Variants in HMBOX1 observed in about 807,000 individuals in gnomAD.
The protein encoded by HMBOX1 is homeobox-containing protein 1.
In HMBOX1, 14 loss-of-function variants were observed where a neutral mutation model predicts 54.5. The observed-to-expected ratio is 0.26, with a 90% CI of 0.17 to 0.40. The LOEUF is 0.40. Ranked by LOEUF, HMBOX1 falls within the 10% of genes least tolerant of loss-of-function variation. The probability of loss-of-function intolerance (pLI) is 1.00; values close to 1 mark genes in which losing one functional copy is unlikely to be tolerated. For missense variants in HMBOX1, 332 were observed against 514.4 expected (o/e 0.65, Z 3.43); for synonymous variants, 160 against 181.0 (o/e 0.88, Z 0.93).
At chr8:29,023,375 A>G (rs1467121824) in intron 6 of HMBOX1, among the ~76,000 whole-genome samples, 1 of 152,040 alleles carries the variant, frequency 6.6e-6, no homozygotes, top group Non-Finnish European at 1.5e-5. Context: ...TGCAACCATA[A>G]CCTCAGTCAA....
At chr8:29,049,213 TGTG>T in intron 9 of HMBOX1, 165 bp downstream of exon 9, 1 of 1,502,188 alleles carries the variant, frequency 6.7e-7, no homozygotes, top group Non-Finnish European at 8.9e-7. Context: ...TTGAAAGGAA[TGTG>T]GTAAGATTCA....
intron 1 of HMBOX1, among the ~76,000 whole-genome samples, chr8:28,939,359 G>A (rs1046413272): frequency 1.3e-5 from 2 of 151,328 alleles, no homozygotes; most frequent in African/African-American, 4.8e-5. Flanking sequence ...TAATTCAGCA[G>A]CTTTTGAATG....
chr8:28,904,271 C>G, intron 1 of HMBOX1, among the ~76,000 whole-genome samples: 1 of 137,120 alleles, frequency 7.3e-6, no homozygotes, highest in South Asian at 2.3e-4. Flanking sequence ...TTTTTTGAGA[C>G]GGAGTCTTGC....
intron 1 of HMBOX1, among the ~76,000 whole-genome samples, chr8:28,902,650 G>C (rs1348959047): frequency 3.9e-5 from 6 of 152,132 alleles, no homozygotes. Flanking sequence ...TAGTGCCTCA[G>C]GGCTCCAAAG....
At chr8:28,941,163 A>G (rs927913536) in intron 1 of HMBOX1, among the ~76,000 whole-genome samples, 2 of 152,200 alleles carry the variant, frequency 1.3e-5, no homozygotes, top group African/African-American at 2.4e-5. Flanking sequence ...TTTCAGCACA[A>G]ACTATCTTTT....
At chr8:29,038,755 C>G (rs1804335832) in intron 6 of HMBOX1, among the ~76,000 whole-genome samples, 1 of 152,198 alleles carries the variant, frequency 6.6e-6, no homozygotes, top group South Asian at 2.1e-4. Flanking sequence ...TAACTGGCTT[C>G]TGCCTCTAAT....
chr8:28,927,524 T>G (rs780437256), intron 1 of HMBOX1, among the ~76,000 whole-genome samples: 12 of 151,010 alleles, frequency 7.9e-5, no homozygotes, highest in Admixed American at 2.0e-4. Flanking sequence ...GGCAAGGTAG[T>G]AGGAGGAGGA....
At chr8:28,939,547 G>A (rs1357039945) in intron 1 of HMBOX1, among the ~76,000 whole-genome samples, 11 of 151,760 alleles carry the variant, frequency 7.2e-5, no homozygotes, top group South Asian at 4.2e-4. Context: ...TGCTCTTGTC[G>A]CCCAGACTGG....
In HMBOX1 at chr8:28,978,156, CCTCT is replaced by C. The variant is rs1262798673; in HGVS notation, c.501-1912_501-1909del. 3.3e-5 allele frequency among the ~76,000 whole-genome samples: 5 copies of C among 152,286 alleles called. No homozygotes were observed. In the East Asian group the frequency reaches 9.7e-4, roughly 29 times the overall value. ...ACAGATTGGAAACTCACCACTATGA[CCTCT>C]CTGTTTTTTTCCAGAATTCCCCAAA... On this transcript the variant is annotated intron_variant, in intron 3 of 9. Coordinates refer to ENST00000287701, the MANE Select transcript of HMBOX1 (RefSeq NM_001135726.3).
At position 29,009,069 on chromosome 8, in the gene HMBOX1, T is replaced by C. The variant is rs1222001842; in HGVS notation, c.587-3T>C. 1 of 1,607,586 alleles carries C rather than the reference T, an allele frequency of 6.2e-7. No homozygotes were observed. Among genetic ancestry groups the C allele is most frequent in the Non-Finnish European group, 8.5e-7 (1 of 1,174,798 alleles). On this transcript the variant is annotated splice_region_variant and splice_polypyrimidine_tract_variant and intron_variant, in intron 4 of 9. Transcript: ENST00000287701. The stretch of plus-strand genomic sequence containing the variant: ...CCCAAAACCTATTTCTCTTTCTACA[T>C]AGGTATCAGTCAGAGCCGGATCTCT...
At chr8:28,894,288 C>T (rs1012552914) in intron 1 of HMBOX1, among the ~76,000 whole-genome samples, 2 of 152,016 alleles carry the variant, frequency 1.3e-5, no homozygotes, top group African/African-American at 2.4e-5. Context: ...ACATAAAATA[C>T]TTTTATGTTT....
intron 1 of HMBOX1, among the ~76,000 whole-genome samples, chr8:28,897,708 A>C (rs1004586042): frequency 2.6e-4 from 40 of 152,196 alleles, no homozygotes; most frequent in Middle Eastern, 3.2e-3. Context: ...TTAAATTTTA[A>C]ATAAATTCAA....
At chr8:29,006,711 T>C (rs1255774196) in intron 4 of HMBOX1, among the ~76,000 whole-genome samples, 1 of 152,194 alleles carries the variant, frequency 6.6e-6, no homozygotes, top group Non-Finnish European at 1.5e-5. Flanking sequence ...TAATGTCCGT[T>C]TGATGAGATT....
At chr8:28,960,780 T>TGGAGACG (rs1825412212) in intron 1 of HMBOX1, among the ~76,000 whole-genome samples, 1 of 43,386 alleles carries the variant, frequency 2.3e-5, no homozygotes. Flanking sequence ...TTTTTTTTTT[T>TGGAGACG]TTTTTTTTTT....
intron 1 of HMBOX1, among the ~76,000 whole-genome samples, chr8:28,896,844 G>C (rs1812209409): frequency 2.0e-5 from 3 of 152,042 alleles, no homozygotes; most frequent in African/African-American, 7.2e-5. Context: ...ATTAAGTGTT[G>C]CATTGGCACA....
chr8:28,978,945 A>C (rs890368958), intron 3 of HMBOX1, among the ~76,000 whole-genome samples: 4 of 152,170 alleles, frequency 2.6e-5, no homozygotes, highest in African/African-American at 4.8e-5. Flanking sequence ...ATGAAATTGC[A>C]GGGGGAGGGA....
chr8:28,917,066 C>CA (rs35179018), intron 1 of HMBOX1, among the ~76,000 whole-genome samples: 15,420 of 70,624 alleles, frequency 0.22, 1,021 homozygotes, highest in South Asian at 0.37. Flanking sequence ...GACCCTGTCT[C>CA]AAAAAAAAAA....
At chr8:29,005,417 G>C (rs1833313441) in intron 4 of HMBOX1, among the ~76,000 whole-genome samples, 1 of 152,074 alleles carries the variant, frequency 6.6e-6, no homozygotes, top group African/African-American at 2.4e-5. Flanking sequence ...TTATATATTA[G>C]CTGTTGTTAC....
chr8:28,890,327 T>C (rs1386658187), upstream of HMBOX1: 1 of 172,492 alleles, frequency 5.8e-6, no homozygotes, highest in African/African-American at 2.4e-5. Context: ...GGCTCCGCAA[T>C]TTTTCTCAGG....
Sources: gnomAD v4.1 joint callset for allele counts (sites outside exome capture counted in the v4.1 genomes callset) on GRCh38, gnomAD v4.1.1 for gene constraint, MANE v1.5 for transcripts, NCBI Gene and HGNC (gene_info 2026-07-23, HGNC 2026-07-21) for gene names.